DLG2: variants seen among roughly 807,000 people sequenced by gnomAD.
DLG2 encodes disks large homolog 2.
DLG2 carries 45 observed loss-of-function variants against 132.5 expected under a neutral mutation model. The ratio of observed to expected loss-of-function variants is 0.34; its 90% CI spans 0.27 to 0.44. The LOEUF (loss-of-function observed/expected upper bound fraction) is 0.44, where lower values mean the gene tolerates loss of function less well. Ranked by LOEUF, DLG2 falls within the 20% of genes least tolerant of loss-of-function variation. The pLI, the probability that DLG2 is intolerant of heterozygous loss-of-function variation, is 1.00. For synonymous variants in DLG2, 424 were observed against 419.6 expected (o/e 1.01, Z -0.13); for missense variants, 1,045 against 1,196.9 (o/e 0.87, Z 1.87).
chr11:84,117,993 C>T (rs2093716977), intron 9 of DLG2, among the ~76,000 whole-genome samples: 3 of 152,074 alleles, frequency 2.0e-5, no homozygotes, highest in African/African-American at 7.2e-5. Context: ...GTAGCTGAGA[C>T]TACAGGCACG....
chr11:85,583,130 G>GTATATATATATATATATATA (rs3068386), intron 3 of DLG2, among the ~76,000 whole-genome samples: 2 of 13,606 alleles, frequency 1.5e-4, no homozygotes, highest in African/African-American at 2.0e-4. Flanking sequence ...GTGTGTGTGT[G>GTATATATATATATATATATA]TATATATATA....
intron 3 of DLG2, among the ~76,000 whole-genome samples, chr11:85,413,595 A>G (rs184419870): frequency 6.7e-4 from 102 of 152,046 alleles, no homozygotes; most frequent in African/African-American, 2.4e-3. Context: ...GTGAAAGATG[A>G]GGATCCAGTT....
intron 5 of DLG2, among the ~76,000 whole-genome samples, chr11:85,137,278 A>G (rs1199190323): frequency 1.3e-5 from 2 of 152,172 alleles, no homozygotes; most frequent in Non-Finnish European, 2.9e-5. Flanking sequence ...TATTATCTGA[A>G]GTACTGGGGT....
chr11:83,994,938 T>G (rs556732600), intron 11 of DLG2, among the ~76,000 whole-genome samples: 1 of 152,150 alleles, frequency 6.6e-6, no homozygotes, highest in African/African-American at 2.4e-5. Flanking sequence ...GTCTTCATCT[T>G]CACATGAATT....
chr11:84,657,549 G>C (rs2099689695), intron 6 of DLG2, among the ~76,000 whole-genome samples: 1 of 152,124 alleles, frequency 6.6e-6, no homozygotes, highest in Non-Finnish European at 1.5e-5. Context: ...GACAGATTCA[G>C]GATGAAACTG....
intron 7 of DLG2, among the ~76,000 whole-genome samples, chr11:84,484,659 C>T (rs1415773784): frequency 6.6e-6 from 1 of 152,236 alleles, no homozygotes; most frequent in African/African-American, 2.4e-5. Context: ...AGCAATATCC[C>T]CAATTTCGAC....
chr11:85,209,647 C>G (rs1372381787), intron 4 of DLG2, among the ~76,000 whole-genome samples: 4 of 139,184 alleles, frequency 2.9e-5, no homozygotes, highest in African/African-American at 1.1e-4. Flanking sequence ...ACCATGTTGG[C>G]TAGGCTGATC....
chr11:84,782,827 CT>C, intron 6 of DLG2, among the ~76,000 whole-genome samples: 1 of 152,242 alleles, frequency 6.6e-6, no homozygotes, highest in Non-Finnish European at 1.5e-5. Flanking sequence ...TATTTTGGAT[CT>C]GTCATTGATC....
intron 7 of DLG2, among the ~76,000 whole-genome samples, chr11:84,516,248 TAG>T (rs1240495476): frequency 2.0e-5 from 3 of 151,124 alleles, no homozygotes; most frequent in African/African-American, 7.3e-5. Context: ...ATAAATAAAA[TAG>T]AGTCTAGAGA....
chr11:85,090,239 G>C (rs890728978), intron 6 of DLG2, among the ~76,000 whole-genome samples: 10 of 152,178 alleles, frequency 6.6e-5, no homozygotes, highest in African/African-American at 2.4e-4. Context: ...ACACTGTAGA[G>C]TGGGCTTGGT....
intron 3 of DLG2, among the ~76,000 whole-genome samples, chr11:85,513,682 C>A (rs1488845123): frequency 1.3e-5 from 2 of 151,964 alleles, no homozygotes; most frequent in African/African-American, 4.8e-5. Context: ...TTGATCTACC[C>A]CACCTTTCTT....
chr11:83,760,405 A>C (rs548510322), intron 18 of DLG2, among the ~76,000 whole-genome samples: 4 of 151,932 alleles, frequency 2.6e-5, no homozygotes, highest in Non-Finnish European at 4.4e-5. Flanking sequence ...ATTCTTTCTC[A>C]TTTCTAGACT....
At chr11:84,772,386 T>C (rs944406094) in intron 6 of DLG2, among the ~76,000 whole-genome samples, 1 of 151,526 alleles carries the variant, frequency 6.6e-6, no homozygotes, top group African/African-American at 2.4e-5. Context: ...AGATAGATCA[T>C]TGAGGCAGAA....
intron 6 of DLG2, among the ~76,000 whole-genome samples, chr11:84,626,059 A>T (rs2099622003): frequency 6.6e-6 from 1 of 152,188 alleles, no homozygotes; most frequent in Non-Finnish European, 1.5e-5. Context: ...CTTATTGAGG[A>T]CCGACTCTTT....
intron 3 of DLG2, among the ~76,000 whole-genome samples, chr11:85,429,904 C>G (rs1175442313): frequency 6.6e-6 from 1 of 152,190 alleles, no homozygotes; most frequent in Non-Finnish European, 1.5e-5. Context: ...AAGACACATA[C>G]ACACATATGT....
intron 18 of DLG2, among the ~76,000 whole-genome samples, chr11:83,665,476 G>A (rs187030791): frequency 2.6e-5 from 4 of 152,126 alleles, no homozygotes; most frequent in African/African-American, 9.7e-5. Context: ...ACAAATGGGG[G>A]TTATACTTTC....
At chr11:83,797,588 C>T (rs533811250) in intron 17 of DLG2, among the ~76,000 whole-genome samples, 25 of 151,822 alleles carry the variant, frequency 1.6e-4, no homozygotes, top group Non-Finnish European at 3.1e-4. Flanking sequence ...GGTGCTATCT[C>T]GCTCACTGCA....
At chr11:84,141,997 G>A (rs1323148092) in intron 9 of DLG2, among the ~76,000 whole-genome samples, 1 of 151,834 alleles carries the variant, frequency 6.6e-6, no homozygotes, top group African/African-American at 2.4e-5. Flanking sequence ...CATCTTTCTA[G>A]CTCCAGGTAG....
chr11:85,321,415 T>C (rs2081059410), intron 3 of DLG2, among the ~76,000 whole-genome samples: 1 of 151,976 alleles, frequency 6.6e-6, no homozygotes, highest in African/African-American at 2.4e-5. Context: ...ACTAGAGATA[T>C]AAATTTAGAA....
Sources: gnomAD v4.1 joint callset for allele counts (sites outside exome capture counted in the v4.1 genomes callset) on GRCh38, gnomAD v4.1.1 for gene constraint, MANE v1.5 for transcripts, NCBI Gene and HGNC (gene_info 2026-07-23, HGNC 2026-07-21) for gene names.